Variants in TEAD4 observed in about 807,000 individuals in gnomAD.
TEAD4 encodes the protein TEA domain transcription factor 4.
TEAD4 carries 36 observed loss-of-function variants against 52.4 expected under a neutral mutation model. The observed-to-expected ratio is 0.69, with a 90% CI of 0.53 to 0.91. The LOEUF (loss-of-function observed/expected upper bound fraction) is 0.91, where lower values mean the gene tolerates loss of function less well. Among genes scored for constraint, TEAD4 ranks in the 40% least tolerant of loss-of-function variants. The pLI is 0.00. For synonymous variants in TEAD4, 220 were observed against 231.0 expected, an observed-to-expected ratio of 0.95 and a Z score of 0.43; for missense variants, 508 against 583.9, an observed-to-expected ratio of 0.87 and a Z score of 1.34.
intron 10 of TEAD4, among the ~76,000 whole-genome samples, chr12:3,026,733 A>C (rs1474009317): frequency 2.6e-5 from 4 of 152,236 alleles, no homozygotes; most frequent in Admixed American, 2.6e-4. Context: ...ATCTTAGTTC[A>C]GTTGATGACA....
chr12:2,970,147 G>A (rs531545602), intron 2 of TEAD4, among the ~76,000 whole-genome samples: 1 of 152,164 alleles, frequency 6.6e-6, no homozygotes, highest in Admixed American at 6.5e-5. Context: ...TCATTTTAAC[G>A]TAATCAATAG....
At chr12:3,011,102 G>A (rs760578404) in intron 4 of TEAD4, 34 bp downstream of exon 4, 20 of 1,612,036 alleles carry the variant, frequency 1.2e-5, no homozygotes, top group East Asian at 2.2e-5. Context: ...GGTCCCGGGG[G>A]TGGTACCCCA....
intron 10 of TEAD4, among the ~76,000 whole-genome samples, chr12:3,033,835 G>GCT (rs1166446740): frequency 6.6e-6 from 1 of 152,202 alleles, no homozygotes; most frequent in Non-Finnish European, 1.5e-5. Flanking sequence ...TTGGGTGGTT[G>GCT]CTCAGTGTGG....
At chr12:2,992,128 C>G (rs1565532876) in intron 2 of TEAD4, among the ~76,000 whole-genome samples, 1 of 150,568 alleles carries the variant, frequency 6.6e-6, no homozygotes, top group Non-Finnish European at 1.5e-5. Flanking sequence ...AAGTGATTCT[C>G]TGGCCTCAGC....
At chr12:2,983,645 G>A (rs955421014) in intron 2 of TEAD4, among the ~76,000 whole-genome samples, 4 of 152,140 alleles carry the variant, frequency 2.6e-5, no homozygotes, top group East Asian at 1.9e-4. Context: ...TCCAAAATAA[G>A]CCCCAAAGGG....
chr12:3,024,423 C>T (rs969776929), intron 10 of TEAD4, among the ~76,000 whole-genome samples: 34 of 152,134 alleles, frequency 2.2e-4, no homozygotes, highest in African/African-American at 8.2e-4. Context: ...CCTGTGATCC[C>T]AGCACTTTGG....
chr12:3,020,658 C>T lies in TEAD4; in HGVS notation c.608C>T (p.Ala203Val). ...GGGTTTGAGTCTCCTGCAGGGCCCG[C>T]CCCATCGCCCTCTGCGCCCCCGGCA... Residue 203 changes from alanine to valine, a missense_variant, in exon 9 of 13, where the codon GCC becomes GTC. Physicochemically the swap from Ala to Val is moderately conservative, Grantham distance 64. Transcript: ENST00000359864. 1.3e-6 allele frequency: 2 copies of T among 1,596,326 alleles called. No individual in the cohort carries two copies. Among genetic ancestry groups the T allele is most frequent in the Non-Finnish European group, 1.7e-6 (2 of 1,170,074 alleles).
Position 2,966,943 on chromosome 12 carries a change from G to A in TEAD4, c.-30+6903G>A, listed in dbSNP as rs2098220921. 2.6e-5 allele frequency among the ~76,000 whole-genome samples: 4 copies of A among 152,096 alleles called. No homozygotes were observed. The South Asian group carries it at 8.3e-4, about 32-fold the overall frequency. ...GCTGGTCTTGAACTCCCGACCTCAGGCGATCCACCTGCCTTGGCCTCCCAA... is the reference window on the plus strand; with the variant it reads ...GCTGGTCTTGAACTCCCGACCTCAGACGATCCACCTGCCTTGGCCTCCCAA... On this transcript the variant is annotated intron_variant, in intron 2 of 12. Coordinates refer to ENST00000359864, the MANE Select transcript of TEAD4 (RefSeq NM_003213.4).
At chr12:2,961,684 C>T (rs1296812247) in intron 2 of TEAD4, among the ~76,000 whole-genome samples, 1 of 152,064 alleles carries the variant, frequency 6.6e-6, no homozygotes, top group African/African-American at 2.4e-5. Flanking sequence ...GTCTGCAGAG[C>T]CCCCACCCAG....
intron 10 of TEAD4, among the ~76,000 whole-genome samples, chr12:3,028,487 A>T (rs919890621): frequency 1.1e-4 from 17 of 152,176 alleles, no homozygotes; most frequent in African/African-American, 3.6e-4. Flanking sequence ...CTCTGATTGT[A>T]GCCATCCTAG....
At chr12:3,031,594 C>T (rs2098275581) in intron 10 of TEAD4, among the ~76,000 whole-genome samples, 2 of 152,332 alleles carry the variant, frequency 1.3e-5, no homozygotes, top group African/African-American at 4.8e-5. Flanking sequence ...GACCTCTGTC[C>T]TGTGGGCACT....
chr12:2,999,399 G>C (rs376323828), intron 3 of TEAD4, among the ~76,000 whole-genome samples: 2 of 152,184 alleles, frequency 1.3e-5, no homozygotes, highest in African/African-American at 4.8e-5. Context: ...CTGGGGACCC[G>C]GCCTTAGCTG....
chr12:3,020,583 C>T (rs910892442), intron 8 of TEAD4, 51 bp from the exon 9 acceptor site: 7 of 1,478,896 alleles, frequency 4.7e-6, no homozygotes, highest in Non-Finnish European at 5.4e-6. Flanking sequence ...AGGGTGCGGG[C>T]AGGGCGGGTG....
At chr12:2,966,544 G>A (rs1003939015) in intron 2 of TEAD4, among the ~76,000 whole-genome samples, 1 of 151,238 alleles carries the variant, frequency 6.6e-6, no homozygotes, top group East Asian at 1.9e-4. Flanking sequence ...CCAAGTAGCT[G>A]GGATTACAAG....
intron 2 of TEAD4, among the ~76,000 whole-genome samples, chr12:2,986,166 G>C (rs1271090518): frequency 6.6e-6 from 1 of 152,158 alleles, no homozygotes; most frequent in Non-Finnish European, 1.5e-5. Flanking sequence ...AGGGTCGTCA[G>C]TATCACTGTC....
At chr12:2,963,672 G>A (rs949990683) in intron 2 of TEAD4, among the ~76,000 whole-genome samples, 4 of 152,282 alleles carry the variant, frequency 2.6e-5, no homozygotes, top group East Asian at 1.9e-4. Flanking sequence ...GGTTTTTCCC[G>A]CTACTATCTG....
At chr12:3,036,592 G>T (rs1448687061) in intron 10 of TEAD4, among the ~76,000 whole-genome samples, 1 of 152,198 alleles carries the variant, frequency 6.6e-6, no homozygotes, top group African/African-American at 2.4e-5. Context: ...TACTGCATTC[G>T]TAGGGCTGCG....
chr12:2,968,569 C>T (rs148861670), intron 2 of TEAD4, among the ~76,000 whole-genome samples: 13 of 151,658 alleles, frequency 8.6e-5, no homozygotes, highest in African/African-American at 2.2e-4. Flanking sequence ...ATGCCATGCC[C>T]GCCTAACATT....
chr12:2,983,995 C>T (rs1289125526), intron 2 of TEAD4, among the ~76,000 whole-genome samples: 1 of 152,206 alleles, frequency 6.6e-6, no homozygotes, highest in East Asian at 1.9e-4. Flanking sequence ...TGACATATGG[C>T]TGGACCTTAA....
Sources: allele counts gnomAD v4.1 joint callset (sites outside exome capture counted in the v4.1 genomes callset), GRCh38; gene constraint gnomAD v4.1.1; transcripts MANE v1.5; gene names NCBI Gene and HGNC (gene_info 2026-07-23, HGNC 2026-07-21).